LEKR1: variants seen among roughly 807,000 people sequenced by gnomAD.
LEKR1 encodes protein LEKR1.
A neutral mutation model predicts 72.4 loss-of-function variants in LEKR1; 59 were observed. That is an observed-to-expected ratio of 0.82 (90% CI 0.66 to 1.01). The LOEUF is 1.01. Among genes scored for constraint, LEKR1 ranks in the 50% least tolerant of loss-of-function variants. The pLI, the probability that LEKR1 is intolerant of heterozygous loss-of-function variation, is 0.00. For missense variants in LEKR1, 728 were observed against 759.2 expected (o/e 0.96, Z 0.48); for synonymous variants, 257 against 263.2 (o/e 0.98, Z 0.23).
chr3:157,041,591 G>T (rs1482611035), intron 12 of LEKR1, among the ~76,000 whole-genome samples: 1 of 152,046 alleles, frequency 6.6e-6, no homozygotes, highest in African/African-American at 2.4e-5. Flanking sequence ...CCCAAGGTGT[G>T]CCTCTCCTTC....
intron 3 of LEKR1, among the ~76,000 whole-genome samples, chr3:156,882,558 T>G (rs1576733175): frequency 6.6e-6 from 1 of 152,184 alleles, no homozygotes; most frequent in South Asian, 2.1e-4. Flanking sequence ...TTGGTGGGAG[T>G]GTAAACTAGT....
intron 3 of LEKR1, among the ~76,000 whole-genome samples, chr3:156,887,905 T>G (rs567158210): frequency 4.9e-4 from 75 of 152,330 alleles, no homozygotes; most frequent in African/African-American, 1.7e-3. Context: ...ATATATCATT[T>G]GAATAATTAT....
At chr3:156,953,607 T>C (rs1356154355) in intron 6 of LEKR1, among the ~76,000 whole-genome samples, 1 of 151,576 alleles carries the variant, frequency 6.6e-6, no homozygotes, top group Non-Finnish European at 1.5e-5. Flanking sequence ...CACTGGTTTG[T>C]GGTTTTTGGT....
chr3:156,993,021 T>C lies in LEKR1; in HGVS notation c.906-53T>C, dbSNP rs1198427165. 7.8e-6 allele frequency: 7 copies of C among 896,242 alleles called. No homozygotes were observed. The East Asian group carries it at 1.0e-4, about 13-fold the overall frequency. 55.5% of individuals were successfully genotyped at this position (896,242 alleles called of 1,614,324 possible). A position where few individuals can be genotyped will look rare whatever the true frequency, so the allele number is the denominator to read the frequency against. On this transcript the variant is annotated intron_variant, in intron 8 of 12. Coordinates refer to ENST00000356539, the MANE Select transcript of LEKR1 (RefSeq NM_001004316.3). ...GCTCTTGATACATCTTTGGTAAATATAAAATGTAGTATATAATGTATGTTG... is the reference window on the plus strand; with the variant it reads ...GCTCTTGATACATCTTTGGTAAATACAAAATGTAGTATATAATGTATGTTG...
At chr3:157,037,260 G>A (rs1560163388) in intron 12 of LEKR1, among the ~76,000 whole-genome samples, 1 of 152,084 alleles carries the variant, frequency 6.6e-6, no homozygotes, top group Non-Finnish European at 1.5e-5. Flanking sequence ...TGGGAGGCAG[G>A]ACTTGGAAAT....
chr3:156,842,432 C>T (rs559389271), intron 2 of LEKR1, among the ~76,000 whole-genome samples: 1 of 151,602 alleles, frequency 6.6e-6, no homozygotes, highest in East Asian at 1.9e-4. Flanking sequence ...CCTGCTGTTT[C>T]CTTTTTTTTC....
At chr3:156,875,960 A>T (rs947335343) in intron 3 of LEKR1, among the ~76,000 whole-genome samples, 1 of 136,162 alleles carries the variant, frequency 7.3e-6, no homozygotes, top group Admixed American at 8.8e-5. Flanking sequence ...GCACCAAGGC[A>T]CTCCAGCCTG....
chr3:156,885,453 G>C (rs562199917), intron 3 of LEKR1, among the ~76,000 whole-genome samples: 1 of 152,314 alleles, frequency 6.6e-6, no homozygotes, highest in Non-Finnish European at 1.5e-5. Context: ...TTGCTGTTCA[G>C]ATCCTCCTGT....
At chr3:156,990,254 G>T (rs114282849) in intron 7 of LEKR1, among the ~76,000 whole-genome samples, 1 of 151,982 alleles carries the variant, frequency 6.6e-6, no homozygotes, top group African/African-American at 2.4e-5. Flanking sequence ...AACCACATAG[G>T]GGGTGATGTG....
At chr3:156,852,564 T>G (rs917286339) in intron 2 of LEKR1, among the ~76,000 whole-genome samples, 10 of 152,178 alleles carry the variant, frequency 6.6e-5, no homozygotes, top group African/African-American at 2.4e-4. Context: ...CTGAAAGATC[T>G]TTTTCTAATC....
chr3:156,924,695 TGTTA>T, intron 4 of LEKR1: 1 of 418,508 alleles, frequency 2.4e-6, no homozygotes, highest in Non-Finnish European at 4.2e-6. Flanking sequence ...CAGTGCTGTT[TGTTA>T]GAGGCCAATT....
chr3:156,981,122 A>G (rs1392173280), intron 7 of LEKR1, among the ~76,000 whole-genome samples: 2 of 152,208 alleles, frequency 1.3e-5, no homozygotes, highest in East Asian at 1.9e-4. Context: ...ACAATAGGCT[A>G]TATCGTATAG....
chr3:157,008,651 A>G (rs1732650894), intron 9 of LEKR1, among the ~76,000 whole-genome samples: 1 of 152,192 alleles, frequency 6.6e-6, no homozygotes, highest in African/African-American at 2.4e-5. Context: ...CTGATAAAGA[A>G]CATCTACAAA....
chr3:157,033,002 C>CTA (rs1577023020), intron 12 of LEKR1, among the ~76,000 whole-genome samples: 1 of 152,128 alleles, frequency 6.6e-6, no homozygotes, highest in East Asian at 1.9e-4. Context: ...TTTGATGTTA[C>CTA]TATTACACTT....
chr3:156,938,215 A>G (rs1208257859), intron 5 of LEKR1, among the ~76,000 whole-genome samples: 1 of 152,166 alleles, frequency 6.6e-6, no homozygotes, highest in East Asian at 1.9e-4. Context: ...GATTTTACCA[A>G]TGCAATTTTC....
At chr3:156,977,526 CT>C in intron 6 of LEKR1, 1 of 372,674 alleles carries the variant, frequency 2.7e-6, no homozygotes, top group Non-Finnish European at 5.3e-6. Flanking sequence ...GGGAAGAGAC[CT>C]TTACTGATGG....
intron 7 of LEKR1, among the ~76,000 whole-genome samples, chr3:156,983,098 T>C (rs1226058355): frequency 6.6e-6 from 1 of 152,156 alleles, no homozygotes; most frequent in Admixed American, 6.5e-5. Flanking sequence ...ATTTCTGCAA[T>C]TATACAGTAA....
intron 2 of LEKR1, among the ~76,000 whole-genome samples, chr3:156,832,733 T>C (rs1167177627): frequency 6.6e-6 from 1 of 152,152 alleles, no homozygotes; most frequent in East Asian, 1.9e-4. Context: ...TGACATTCTT[T>C]ATTTACTACG....
At chr3:156,965,700 A>C (rs1009934971) in intron 6 of LEKR1, among the ~76,000 whole-genome samples, 5 of 152,216 alleles carry the variant, frequency 3.3e-5, no homozygotes, top group Admixed American at 1.3e-4. Flanking sequence ...TTAAACCTCT[A>C]AAATATAAAC....
Sources: gnomAD v4.1 joint callset for allele counts (sites outside exome capture counted in the v4.1 genomes callset) on GRCh38, gnomAD v4.1.1 for gene constraint, MANE v1.5 for transcripts, NCBI Gene and HGNC (gene_info 2026-07-23, HGNC 2026-07-21) for gene names.